Variants in GARNL3 observed in about 807,000 individuals in gnomAD.
GARNL3 encodes GTPase-activating Rap/Ran-GAP domain-like protein 3.
Under a neutral mutation model 125.0 loss-of-function variants are expected in GARNL3, and 63 were observed. The observed-to-expected ratio is 0.50, with a 90% CI of 0.41 to 0.62. The LOEUF (loss-of-function observed/expected upper bound fraction) is 0.62. Among genes scored for constraint, GARNL3 ranks in the 20% least tolerant of loss-of-function variants. The pLI is 0.00. For synonymous variants in GARNL3, 439 were observed against 457.5 expected, an observed-to-expected ratio of 0.96 and a Z score of 0.52; for missense variants, 994 against 1,244.0, an observed-to-expected ratio of 0.80 and a Z score of 3.02.
chr9:127,353,777 G>T, intron 17 of GARNL3, 69 bp from the exon 18 acceptor site: 1 of 1,015,230 alleles, frequency 9.8e-7, no homozygotes, highest in Non-Finnish European at 1.6e-6. Context: ...CTACCCACAG[G>T]CACGTTTGGT....
intron 2 of GARNL3, among the ~76,000 whole-genome samples, chr9:127,256,702 T>C (rs1280071194): frequency 1.3e-5 from 2 of 152,224 alleles, no homozygotes; most frequent in Non-Finnish European, 2.9e-5. Context: ...TATAGATTCA[T>C]GTGCAGTGGT....
intron 7 of GARNL3, among the ~76,000 whole-genome samples, chr9:127,331,723 T>G (rs1246264578): frequency 1.4e-5 from 2 of 141,234 alleles, no homozygotes; most frequent in African/African-American, 5.4e-5. Flanking sequence ...GGGCTTGCTT[T>G]TTTTTTTTTT....
rs78313073 is a variant in GARNL3 at position 127,337,918 on chromosome 9, T to C, written c.983-198T>C. On this transcript the variant is annotated intron_variant, in intron 11 of 27. Transcript: ENST00000373387. ...AGGATGCACATACAAACATTGAACC[T>C]ACTCATGGTGCCCTCACATAAGTCT... 4.1e-3 allele frequency among the ~76,000 whole-genome samples: 627 copies of C among 152,334 alleles called. 3 individuals are homozygous for C. The highest frequency in any genetic ancestry group is 0.014 in the African/African-American group (598 of 41,572).
rs71308298 is a variant in GARNL3, at chr9:127,231,050, A to AT, written c.-29+6734dup. 3.7e-3 allele frequency among the ~76,000 whole-genome samples: 328 copies of AT among 89,564 alleles called. 12 individuals are homozygous for AT. Among genetic ancestry groups the AT allele is most frequent in the African/African-American group, 0.02 (252 of 12,606 alleles). The allele number at this position is 89,564 out of a possible 152,430, so 58.8% of individuals were successfully genotyped here. On this transcript the variant is annotated intron_variant, in intron 1 of 10. Coordinates refer to the GARNL3 transcript ENST00000439286. ...TGTATATATACATATATATATATAT[A>AT]TTTTTTTTTTTTTTTTTTTTTTGAG...
chr9:127,258,224 A>G (rs970158753), intron 2 of GARNL3, among the ~76,000 whole-genome samples: 2 of 152,206 alleles, frequency 1.3e-5, no homozygotes, highest in African/African-American at 2.4e-5. Flanking sequence ...CTGGAGAGTT[A>G]GAAGAATCAA....
Position 127,280,933 on chromosome 9 carries a change from A to G in GARNL3, c.145-10235A>G, listed in dbSNP as rs2131330991. ...ATGGGAAGTACAAAAATAATGGCTC[A>G]GAAGATTGGATGGTGGTGAGGATCT... is the stretch of plus-strand genomic sequence containing the variant. On this transcript the variant is annotated intron_variant, in intron 1 of 27. Coordinates refer to ENST00000373387, the MANE Select transcript of GARNL3 (RefSeq NM_032293.5). This position sits in a 1 kb window ranked among gnomAD's most constrained non-coding sequence, Gnocchi z 4.5. Among the ~76,000 whole-genome samples, 1 of 152,324 alleles carries G rather than the reference A, an allele frequency of 6.6e-6. No homozygotes were observed. The highest frequency in any genetic ancestry group is 1.9e-4 in the East Asian group (1 of 5,184).
At chr9:127,248,985 T>C (rs2063353015) in intron 2 of GARNL3, among the ~76,000 whole-genome samples, 1 of 152,112 alleles carries the variant, frequency 6.6e-6, no homozygotes, top group Admixed American at 6.5e-5. Flanking sequence ...AAAGGGTTGG[T>C]TTATTAATAA....
intron 4 of GARNL3, 24 bp downstream of exon 4, chr9:127,313,583 A>G: frequency 6.7e-7 from 1 of 1,485,106 alleles, no homozygotes; most frequent in Non-Finnish European, 9.4e-7. Context: ...TCACACTTGA[A>G]GCAAAATTTA....
At chr9:127,304,671 G>A (rs1158645555) in intron 2 of GARNL3, among the ~76,000 whole-genome samples, 1 of 151,752 alleles carries the variant, frequency 6.6e-6, no homozygotes, top group East Asian at 1.9e-4. Flanking sequence ...GAGTAGCTGG[G>A]ACTACAGGCA....
chr9:127,355,572 T>C, intron 20 of GARNL3, 100 bp downstream of exon 20: 1 of 1,111,300 alleles, frequency 9.0e-7, no homozygotes, highest in Non-Finnish European at 1.4e-6. Context: ...GTTGTCCCAC[T>C]GTTTAGTAGC....
intron 1 of GARNL3, among the ~76,000 whole-genome samples, chr9:127,231,199 C>T (rs1358753952): frequency 1.4e-5 from 2 of 145,332 alleles, no homozygotes; most frequent in Admixed American, 6.8e-5. Flanking sequence ...GGACTACAGG[C>T]GCCCGCCACC....
At chr9:127,333,875 G>C (rs1160278577) in intron 9 of GARNL3, among the ~76,000 whole-genome samples, 1 of 152,182 alleles carries the variant, frequency 6.6e-6, no homozygotes. Context: ...GGGGTTTCAA[G>C]TAGGGGAGTG....
In GARNL3 at chr9:127,278,892, C is replaced by T. The variant is rs369212075; in HGVS notation, c.145-12276C>T. Among the ~76,000 whole-genome samples the T allele has an allele frequency of 7.2e-5, 11 of 152,258 alleles. No homozygotes were observed. The South Asian group carries it at 1.2e-3, about 17-fold the overall frequency. ...CCAGTCTCTGCCTCTGTTATCACAT[C>T]GCCTTCTCTCTGTGTCTCTGTATCT... On this transcript the variant is annotated intron_variant, in intron 1 of 27. Coordinates refer to ENST00000373387, the MANE Select transcript of GARNL3 (RefSeq NM_032293.5).
At chr9:127,340,464 C>T (rs1040811647) in intron 13 of GARNL3, among the ~76,000 whole-genome samples, 1 of 152,012 alleles carries the variant, frequency 6.6e-6, no homozygotes, top group Non-Finnish European at 1.5e-5. Context: ...GCCGCACGCC[C>T]TGGCAGGGCT....
At chr9:127,287,250 T>C (rs769597933) in intron 1 of GARNL3, among the ~76,000 whole-genome samples, 1 of 152,148 alleles carries the variant, frequency 6.6e-6, no homozygotes, top group Non-Finnish European at 1.5e-5. Flanking sequence ...ACCATCTTAA[T>C]GAATTGAGGG....
chr9:127,360,305 A>G (rs1244844760), intron 21 of GARNL3, among the ~76,000 whole-genome samples: 1 of 152,166 alleles, frequency 6.6e-6, no homozygotes, highest in East Asian at 1.9e-4. Context: ...TACAGGTGTG[A>G]GCCACCGCAC....
At chr9:127,367,944 C>A (rs1458551586) in intron 22 of GARNL3, among the ~76,000 whole-genome samples, 2 of 150,792 alleles carry the variant, frequency 1.3e-5, no homozygotes. Context: ...TATTTTCCCA[C>A]TATTTATTCC....
At chr9:127,318,514 G>GA (rs1438522724) in intron 5 of GARNL3, among the ~76,000 whole-genome samples, 4 of 152,310 alleles carry the variant, frequency 2.6e-5, no homozygotes, top group Admixed American at 2.6e-4. Context: ...GTTTTATAAA[G>GA]ATAATCAAGA....
chr9:127,266,372 G>A lies in GARNL3; in HGVS notation c.144+1351G>A, dbSNP rs748829062. ...TAACAGTATGATTCCTGGCAATGCC[G>A]TGTCCCAAGGCAATGAGCAAATGGT... On this transcript the variant is annotated intron_variant, in intron 1 of 27. Coordinates refer to ENST00000373387, the MANE Select transcript of GARNL3 (RefSeq NM_032293.5). The surrounding 1 kb of genome is among the most constrained non-coding windows in gnomAD (Gnocchi z 4.0). Among the ~76,000 whole-genome samples, 29 of 152,180 alleles carry A rather than the reference G, an allele frequency of 1.9e-4. 1 individual carries two copies. The highest frequency in any genetic ancestry group is 7.3e-5 in the Non-Finnish European group (5 of 68,034).
Sources: gnomAD v4.1 joint callset for allele counts (sites outside exome capture counted in the v4.1 genomes callset) on GRCh38, gnomAD v4.1.1 for gene constraint, Gnocchi (gnomAD v3.1) non-coding constraint, MANE v1.5 for transcripts, NCBI Gene and HGNC (gene_info 2026-07-23, HGNC 2026-07-21) for gene names.